Variants in SOX6 observed in about 807,000 individuals in gnomAD.
SOX6 encodes the protein transcription factor SOX-6.
In SOX6, 11 loss-of-function variants were observed where a neutral mutation model predicts 97.8. The ratio of observed to expected loss-of-function variants is 0.11; its 90% CI spans 0.07 to 0.19. SOX6 has a LOEUF of 0.19. SOX6 is among the 10% of genes least tolerant of loss of function. SOX6 has a pLI of 1.00. For missense variants in SOX6, 810 were observed against 1,039.5 expected (o/e 0.78, Z 3.04); for synonymous variants, 360 against 371.4 (o/e 0.97, Z 0.35).
intron 4 of SOX6, among the ~76,000 whole-genome samples, chr11:16,570,946 T>C (rs1327620008): frequency 6.6e-6 from 1 of 152,200 alleles, no homozygotes. Context: ...CTTTTAAATT[T>C]TAAATGAGTA....
At chr11:16,484,709 C>A in intron 4 of SOX6, 2 of 560,460 alleles carry the variant, frequency 3.6e-6, no homozygotes, top group South Asian at 2.1e-5. Flanking sequence ...CAGAACCGTG[C>A]CTAGTTCAGT....
intron 4 of SOX6, among the ~76,000 whole-genome samples, chr11:16,564,928 C>G (rs957801466): frequency 1.3e-5 from 2 of 151,584 alleles, no homozygotes; most frequent in Non-Finnish European, 2.9e-5. Flanking sequence ...GCAAAATTAA[C>G]CCAAAGCAAG....
intron 9 of SOX6, among the ~76,000 whole-genome samples, chr11:16,063,516 A>ATG (rs1848014409): frequency 3.7e-5 from 2 of 54,504 alleles, no homozygotes; most frequent in East Asian, 1.1e-3. Flanking sequence ...ATATATATAT[A>ATG]TATATATATA....
intron 3 of SOX6, among the ~76,000 whole-genome samples, chr11:16,658,402 GATATGTATTAAA>G (rs1564861564): frequency 6.6e-6 from 1 of 152,134 alleles, no homozygotes; most frequent in Non-Finnish European, 1.5e-5. Context: ...CTTTGTTGGT[GATATGTATTAAA>G]ATATGTTCTC....
At chr11:16,517,668 A>T (rs987504450) in intron 4 of SOX6, among the ~76,000 whole-genome samples, 1 of 152,184 alleles carries the variant, frequency 6.6e-6, no homozygotes, top group African/African-American at 2.4e-5. Context: ...ACTTAAACCC[A>T]TGGCCACATC....
chr11:16,286,713 A>T (rs1854754081), intron 3 of SOX6, among the ~76,000 whole-genome samples: 1 of 152,050 alleles, frequency 6.6e-6, no homozygotes, highest in Admixed American at 6.6e-5. Context: ...CTATCTTCCA[A>T]TTATTGCAGT....
Position 16,607,590 on chromosome 11 carries a change from G to C in SOX6, n.609+4491C>G, listed in dbSNP as rs1484930956. ...GCCCCGGGTGGGGGCAGCGCAGAGC[G>C]GCAGAAGTTTGCCGCCGGGGTTCCA... On this transcript the variant is annotated intron_variant and non_coding_transcript_variant, in intron 4 of 5. Coordinates refer to the SOX6 transcript ENST00000524520. The surrounding 1 kb of genome is among the most constrained non-coding windows in gnomAD (Gnocchi z 6.5). 2.0e-5 allele frequency: 3 copies of C among 152,452 alleles called. No homozygotes were observed. Among genetic ancestry groups the C allele is most frequent in the African/African-American group, 7.2e-5 (3 of 41,472 alleles). 9.4% of individuals were successfully genotyped at this position (152,452 alleles called of 1,614,324 possible). A position where few individuals can be genotyped will look rare whatever the true frequency, so the allele number is the denominator to read the frequency against.
chr11:16,283,957 T>TA (rs1854656748), intron 3 of SOX6: 1 of 394,664 alleles, frequency 2.5e-6, no homozygotes, highest in South Asian at 1.9e-5. Context: ...AGAGTATAAT[T>TA]ATGCACAGTT....
In SOX6 at chr11:16,230,962, A is replaced by C. The variant is rs1236391311; in HGVS notation, c.535+3620T>G. Among the ~76,000 whole-genome samples, 3 of 151,884 alleles carry C rather than the reference A, an allele frequency of 2.0e-5. No individual in the cohort carries two copies. The East Asian group carries it at 5.8e-4, about 29-fold the overall frequency. On this transcript the variant is annotated intron_variant, in intron 4 of 15. Transcript: ENST00000683767. ...AGGTAAGATGGATTATTTAATAAAC[A>C]GTATAGATATTTGGTTAACTGCTTG...
At chr11:16,105,278 A>C (rs900676712) in intron 7 of SOX6, among the ~76,000 whole-genome samples, 18 of 152,218 alleles carry the variant, frequency 1.2e-4, no homozygotes, top group South Asian at 6.2e-4. Context: ...GGAAAAAAAA[A>C]CCAACATGAT....
intron 3 of SOX6, among the ~76,000 whole-genome samples, chr11:16,651,361 T>C (rs1242449035): frequency 6.6e-6 from 1 of 152,038 alleles, no homozygotes; most frequent in Non-Finnish European, 1.5e-5. Flanking sequence ...TGAACATAGA[T>C]GCAAAAATCC....
chr11:16,073,376 T>C (rs1848269390), intron 9 of SOX6, among the ~76,000 whole-genome samples: 1 of 151,648 alleles, frequency 6.6e-6, no homozygotes, highest in Non-Finnish European at 1.5e-5. Context: ...TGGTAAAGGG[T>C]TCTATTCAAT....
At chr11:16,341,508 G>C (rs896968986) in intron 1 of SOX6, among the ~76,000 whole-genome samples, 2 of 151,928 alleles carry the variant, frequency 1.3e-5, no homozygotes, top group African/African-American at 2.4e-5. Flanking sequence ...TTTTTACAGA[G>C]TAAGTTTTCA....
At chr11:16,340,317 A>G (rs1856589785) in intron 2 of SOX6, among the ~76,000 whole-genome samples, 1 of 152,078 alleles carries the variant, frequency 6.6e-6, no homozygotes, top group South Asian at 2.1e-4. Context: ...TAGATGCTAA[A>G]AAAATTGAAT....
intron 7 of SOX6, chr11:16,110,429 A>T (rs909678029): frequency 2.0e-5 from 3 of 152,136 alleles, no homozygotes; most frequent in Non-Finnish European, 4.4e-5. Context: ...CTCTGAAAAA[A>T]TATACTCCTG....
chr11:16,097,869 CAGAT>C (rs1343300740), intron 7 of SOX6, among the ~76,000 whole-genome samples, 181 bp from the exon 8 acceptor site: 1 of 151,754 alleles, frequency 6.6e-6, no homozygotes, highest in Non-Finnish European at 1.5e-5. Context: ...TTTTTGTTAA[CAGAT>C]AGCTGGTAGG....
intron 6 of SOX6, among the ~76,000 whole-genome samples, chr11:16,141,542 A>C (rs532059642): frequency 6.6e-5 from 10 of 152,240 alleles, no homozygotes; most frequent in Admixed American, 3.9e-4. Flanking sequence ...CAGCTCACCG[A>C]GCGTGAGCCA....
intron 1 of SOX6, among the ~76,000 whole-genome samples, chr11:16,461,448 C>G (rs1430490104): frequency 6.6e-6 from 1 of 152,092 alleles, no homozygotes; most frequent in African/African-American, 2.4e-5. Flanking sequence ...TTAGCTTAGC[C>G]TTATGGATCA....
At chr11:15,973,208 G>A in intron 15 of SOX6, 96 bp from the exon 16 acceptor site, 1 of 1,219,934 alleles carries the variant, frequency 8.2e-7, no homozygotes, top group Non-Finnish European at 1.2e-6. Context: ...TTTCAAAAGG[G>A]AGCCCTAAAT....
Sources: allele counts gnomAD v4.1 joint callset (sites outside exome capture counted in the v4.1 genomes callset), GRCh38; gene constraint gnomAD v4.1.1; non-coding constraint Gnocchi (gnomAD v3.1); transcripts MANE v1.5; gene names NCBI Gene and HGNC (gene_info 2026-07-23, HGNC 2026-07-21).